Variants in KSR1 observed in about 807,000 individuals in gnomAD.
KSR1 encodes the protein kinase suppressor of ras.
KSR1 carries 35 observed loss-of-function variants against 92.9 expected under a neutral mutation model. The ratio of observed to expected loss-of-function variants is 0.38; its 90% CI spans 0.29 to 0.50. KSR1 has a LOEUF of 0.50. Among genes scored for constraint, KSR1 ranks in the 20% least tolerant of loss-of-function variants. KSR1 has a pLI of 0.94. For missense variants in KSR1, 972 were observed against 1,158.5 expected (o/e 0.84, Z 2.34); for synonymous variants, 467 against 472.6 (o/e 0.99, Z 0.15).
chr17:27,467,491 T>C (rs1182184402), intron 1 of KSR1, among the ~76,000 whole-genome samples: 1 of 152,238 alleles, frequency 6.6e-6, no homozygotes, highest in Admixed American at 6.5e-5. Flanking sequence ...TTACTTAATA[T>C]CCCAGTGGGA....
chr17:27,623,420 CTCTT>C lies in KSR1; in HGVS notation c.*34_*37del, dbSNP rs758031043. On this transcript the variant is annotated 3_prime_UTR_variant, in exon 21 of 21. Transcript: ENST00000644974. ...AGCCATATGGTTTTTCGCTGCTGAT[CTCTT>C]TCTTTTTAAAATGTGTTTCTGAAAC... 9.3e-6 allele frequency: 7 copies of C among 756,070 alleles called. No individual in the cohort carries two copies. The highest frequency in any genetic ancestry group is 8.2e-5 in the South Asian group (6 of 72,906). 46.8% of individuals were successfully genotyped at this position (756,070 alleles called of 1,614,324 possible).
chr17:27,615,635 G>A (rs574169728), intron 18 of KSR1, among the ~76,000 whole-genome samples: 4 of 152,120 alleles, frequency 2.6e-5, no homozygotes, highest in Non-Finnish European at 5.9e-5. Flanking sequence ...GTTTCTTGTC[G>A]TTGGAATCAA....
intron 1 of KSR1, among the ~76,000 whole-genome samples, chr17:27,536,928 T>C (rs1006958369): frequency 2.6e-5 from 4 of 152,190 alleles, no homozygotes; most frequent in Admixed American, 6.5e-5. Flanking sequence ...TGGAGGAGTG[T>C]CATATACTTT....
chr17:27,473,108 C>A (rs1000085289), intron 1 of KSR1, among the ~76,000 whole-genome samples: 14 of 152,212 alleles, frequency 9.2e-5, no homozygotes. Context: ...GACAGCAGTT[C>A]TCTCAGTTAA....
At position 27,577,689 on chromosome 17, in the gene KSR1, G is replaced by T. The variant is rs1332810404; in HGVS notation, c.520+50G>T. 1 of 1,432,608 alleles carries T rather than the reference G, an allele frequency of 7.0e-7. No individual in the cohort carries two copies. The highest frequency in any genetic ancestry group is 1.7e-4 in the Middle Eastern group (1 of 5,778). The allele number at this position is 1,432,608 out of a possible 1,614,324, so 88.7% of individuals were successfully genotyped here. ...CCTTGCCTGGCCTGGTGCCCTTGGG[G>T]CTGTGGCCTTCACTATGGTGGGTGA... On this transcript the variant is annotated intron_variant, in intron 3 of 20. Coordinates refer to ENST00000644974, the MANE Select transcript of KSR1 (RefSeq NM_001394583.1). This position sits in a 1 kb window ranked among gnomAD's most constrained non-coding sequence, Gnocchi z 4.5.
intron 19 of KSR1, 197 bp from the exon 20 acceptor site, chr17:27,620,986 TTGCCCCCTAA>T: frequency 2.6e-6 from 1 of 386,190 alleles, no homozygotes; most frequent in East Asian, 3.7e-5. Context: ...TTCTACACGC[TTGCCCCCTAA>T]TTCTCACTTT....
chr17:27,571,261 A>T (rs2072295342), intron 2 of KSR1, among the ~76,000 whole-genome samples: 1 of 152,194 alleles, frequency 6.6e-6, no homozygotes, highest in South Asian at 2.1e-4. Context: ...AAGCCCCTGG[A>T]GGCTGCCTGA....
At chr17:27,514,660 CAA>C (rs1177388900) in intron 1 of KSR1, among the ~76,000 whole-genome samples, 15 of 92,554 alleles carry the variant, frequency 1.6e-4, no homozygotes, top group Non-Finnish European at 1.9e-4. Context: ...AACTCCATCT[CAA>C]AAAAAAAAAA....
chr17:27,512,772 T>C (rs532298520), intron 1 of KSR1, among the ~76,000 whole-genome samples: 31 of 152,330 alleles, frequency 2.0e-4, no homozygotes, highest in Non-Finnish European at 4.0e-4. Flanking sequence ...TGGGTTTGTT[T>C]GGATCTAGAC....
At chr17:27,465,301 A>G (rs1013307938) in intron 1 of KSR1, 5 of 152,180 alleles carry the variant, frequency 3.3e-5, no homozygotes, top group Non-Finnish European at 1.5e-5. Context: ...TTTCCAAATA[A>G]TGAAGCTGAA....
At chr17:27,585,059 C>A (rs988470870) in intron 4 of KSR1, among the ~76,000 whole-genome samples, 3 of 152,244 alleles carry the variant, frequency 2.0e-5, no homozygotes, top group African/African-American at 7.2e-5. Context: ...GCCTCAGCCT[C>A]CCGAGTAGCT....
intron 1 of KSR1, among the ~76,000 whole-genome samples, chr17:27,486,774 G>A (rs2150953609): frequency 6.6e-6 from 1 of 152,270 alleles, no homozygotes; most frequent in Middle Eastern, 3.4e-3. Context: ...GGGTTGGAGT[G>A]GCCTGGGAAT....
At position 27,465,123 on chromosome 17, in the gene KSR1, A is replaced by T. The variant is rs527414415; in HGVS notation, c.231+8249A>T. ...ACGTGCTCTCAGGACAGCTGTTGAG[A>T]TAAAAAAATTTGTTGTCATTTATTC... On this transcript the variant is annotated intron_variant, in intron 1 of 20. Transcript: ENST00000644974. The T allele has an allele frequency of 6.2e-4, 95 of 152,292 alleles. 1 individual carries two copies. The highest frequency in any genetic ancestry group is 2.3e-3 in the African/African-American group (94 of 41,538). The allele number at this position is 152,292 out of a possible 1,614,324, so 9.4% of individuals were successfully genotyped here.
At chr17:27,601,542 T>C in intron 11 of KSR1, 141 bp downstream of exon 11, 5 of 725,566 alleles carry the variant, frequency 6.9e-6, no homozygotes, top group Non-Finnish European at 1.2e-5. Context: ...TGACTGCCCA[T>C]AGAGGATGGG....
intron 1 of KSR1, among the ~76,000 whole-genome samples, chr17:27,541,037 T>C (rs1431324630): frequency 6.6e-6 from 1 of 152,254 alleles, no homozygotes; most frequent in African/African-American, 2.4e-5. Flanking sequence ...GAGCAGCAGC[T>C]TCAGGGACCA....
At chr17:27,620,659 C>G (rs1438747356) in intron 19 of KSR1, among the ~76,000 whole-genome samples, 1 of 152,146 alleles carries the variant, frequency 6.6e-6, no homozygotes, top group Non-Finnish European at 1.5e-5. Flanking sequence ...AGACCAGGAG[C>G]ATGGGGCTCT....
At chr17:27,576,983 G>A (rs533075778) in intron 2 of KSR1, among the ~76,000 whole-genome samples, 2 of 152,016 alleles carry the variant, frequency 1.3e-5, no homozygotes, top group South Asian at 2.1e-4. Flanking sequence ...TGGGGCCAGT[G>A]AAAAGTTTTG....
Position 27,544,457 on chromosome 17 carries a change from C to T in KSR1, c.232-6111C>T, listed in dbSNP as rs894722419. On this transcript the variant is annotated intron_variant, in intron 1 of 20. Transcript: ENST00000644974. ...AGCTGGGACTAGAGCTGAGCTCCTTCGGCCCCAGATACTTAGTGAGCGCCT... is the reference window on the plus strand; with the variant it reads ...AGCTGGGACTAGAGCTGAGCTCCTTTGGCCCCAGATACTTAGTGAGCGCCT... Among the ~76,000 whole-genome samples, 15 of 152,242 alleles carry T rather than the reference C, an allele frequency of 9.9e-5. No homozygotes were observed. In the South Asian group the frequency reaches 1.0e-3, roughly 10 times the overall value.
At chr17:27,522,634 G>A (rs1291148121) in intron 1 of KSR1, among the ~76,000 whole-genome samples, 1 of 152,172 alleles carries the variant, frequency 6.6e-6, no homozygotes, top group African/African-American at 2.4e-5. Flanking sequence ...GTCCTTTTCT[G>A]GTTGGTATTG....
Sources: gnomAD v4.1 joint callset for allele counts (sites outside exome capture counted in the v4.1 genomes callset) on GRCh38, gnomAD v4.1.1 for gene constraint, Gnocchi (gnomAD v3.1) non-coding constraint, MANE v1.5 for transcripts, NCBI Gene and HGNC (gene_info 2026-07-23, HGNC 2026-07-21) for gene names.